SHANK2: variants seen among roughly 807,000 people sequenced by gnomAD.
SHANK2 encodes the protein SH3 and multiple ankyrin repeat domains 2.
SHANK2 carries 43 observed loss-of-function variants against 133.7 expected under a neutral mutation model. The ratio of observed to expected loss-of-function variants is 0.32; its 90% CI spans 0.25 to 0.41. SHANK2 has a LOEUF of 0.41. Ranked by LOEUF, SHANK2 falls within the 10% of genes least tolerant of loss-of-function variation. SHANK2 has a pLI of 1.00. For synonymous variants in SHANK2, 1,017 were observed against 952.8 expected, an observed-to-expected ratio of 1.07 and a Z score of -1.24; for missense variants, 1,994 against 2,235.8, an observed-to-expected ratio of 0.89 and a Z score of 2.18.
chr11:71,244,573 G>A lies in SHANK2; in HGVS notation c.-113+7852C>T, dbSNP rs61391805. On this transcript the variant is annotated intron_variant, in intron 1 of 25. Coordinates refer to ENST00000601538, the MANE Select transcript of SHANK2 (RefSeq NM_012309.5). Reference sequence around the variant, plus strand: ...CTCATCCTCTCCCAAGTGCACAACGGAAGCTACAAAACTTGTGATATTGCA... The same window carrying A: ...CTCATCCTCTCCCAAGTGCACAACGAAAGCTACAAAACTTGTGATATTGCA... Among the ~76,000 whole-genome samples the A allele has an allele frequency of 3.0e-3, 457 of 152,314 alleles. 1 individual carries two copies. The highest frequency in any genetic ancestry group is 0.01 in the African/African-American group (424 of 41,564).
At chr11:70,871,434 C>A (rs1350481489) in intron 11 of SHANK2, among the ~76,000 whole-genome samples, 1 of 152,172 alleles carries the variant, frequency 6.6e-6, no homozygotes, top group Non-Finnish European at 1.5e-5. Flanking sequence ...GAACCTGGGG[C>A]CACACCACCT....
At chr11:70,550,032 C>T (rs548553278) in intron 17 of SHANK2, among the ~76,000 whole-genome samples, 2 of 152,102 alleles carry the variant, frequency 1.3e-5, no homozygotes, top group African/African-American at 4.8e-5. Context: ...CCAGAAAAAC[C>T]GCACCGGCTT....
intron 1 of SHANK2, among the ~76,000 whole-genome samples, chr11:71,246,880 C>T (rs782526265): frequency 2.0e-5 from 3 of 152,266 alleles, no homozygotes; most frequent in South Asian, 4.1e-4. Flanking sequence ...GTAACAGCTC[C>T]CCTTTTCCAT....
chr11:71,106,728 A>G (rs1951807061), intron 6 of SHANK2, among the ~76,000 whole-genome samples: 1 of 152,012 alleles, frequency 6.6e-6, no homozygotes, highest in Admixed American at 6.6e-5. Flanking sequence ...CTGAGGTGGG[A>G]GGATCAGCTG....
At chr11:71,059,834 C>T (rs1950966573) in intron 9 of SHANK2, among the ~76,000 whole-genome samples, 1 of 152,208 alleles carries the variant, frequency 6.6e-6, no homozygotes, top group African/African-American at 2.4e-5. Flanking sequence ...CTTTGTTCAT[C>T]GACTGTGTAA....
intron 10 of SHANK2, among the ~76,000 whole-genome samples, chr11:70,909,086 A>G (rs1218089935): frequency 6.6e-6 from 1 of 152,246 alleles, no homozygotes; most frequent in Non-Finnish European, 1.5e-5. Context: ...TTTCATGTGG[A>G]CCAAATGCAA....
chr11:71,175,618 T>A lies in SHANK2; in HGVS notation c.-12-28280A>T, dbSNP rs1376985577. 2.9e-5 allele frequency among the ~76,000 whole-genome samples: 4 copies of A among 136,084 alleles called. No individual in the cohort carries two copies. The highest frequency in any genetic ancestry group is 4.7e-5 in the Non-Finnish European group (3 of 64,108). 89.3% of individuals were successfully genotyped at this position (136,084 alleles called of 152,430 possible). A position where few individuals can be genotyped will look rare whatever the true frequency, so the allele number is the denominator to read the frequency against. ...AGAGAGAGAGACAGAGACAGAGACA[T>A]CGCTTCCAGCCAAGATGGAGGAAGG... On this transcript the variant is annotated intron_variant, in intron 2 of 25. Transcript: ENST00000601538. The surrounding 1 kb of genome is among the most constrained non-coding windows in gnomAD (Gnocchi z 4.2).
chr11:70,503,468 T>C (rs2059090642), intron 17 of SHANK2, among the ~76,000 whole-genome samples: 1 of 152,106 alleles, frequency 6.6e-6, no homozygotes. Flanking sequence ...GCTCTCCCGC[T>C]CCAGAGGCCT....
At chr11:70,595,937 C>A (rs60890724) in intron 17 of SHANK2, among the ~76,000 whole-genome samples, 2 of 152,086 alleles carry the variant, frequency 1.3e-5, no homozygotes. Context: ...GAAAACAGAG[C>A]GGGGTTTCAG....
chr11:71,062,997 A>C lies in SHANK2; in HGVS notation c.1030-6439T>G, dbSNP rs1951005808. 2.2e-4 allele frequency among the ~76,000 whole-genome samples: 4 copies of C among 18,046 alleles called. No individual in the cohort carries two copies. In the South Asian group the frequency reaches 5.8e-3, roughly 26 times the overall value. The allele number at this position is 18,046 out of a possible 152,430, so 11.8% of individuals were successfully genotyped here. On this transcript the variant is annotated intron_variant, in intron 9 of 25. Transcript: ENST00000601538. ...GGGTGACACAGCAAGACCCTGTCTC[A>C]AAAAAAAAAAAAAAAAAAAAGATAG...
At chr11:70,766,994 C>T (rs1947136867) in intron 14 of SHANK2, among the ~76,000 whole-genome samples, 2 of 152,238 alleles carry the variant, frequency 1.3e-5, no homozygotes, top group African/African-American at 4.8e-5. Context: ...ACTCTGCTAG[C>T]TCTGGTGTGG....
intron 25 of SHANK2, among the ~76,000 whole-genome samples, chr11:70,484,386 T>TAGACTGTGGTACCTCCCCC (rs1480005238): frequency 2.6e-5 from 4 of 152,120 alleles, no homozygotes; most frequent in Non-Finnish European, 5.9e-5. Context: ...GTTGTTTAAA[T>TAGACTGTGGTACCTCCCCC]AGACTGTGGT....
intron 14 of SHANK2, among the ~76,000 whole-genome samples, chr11:70,750,002 T>C (rs935890275): frequency 6.6e-6 from 1 of 152,222 alleles, no homozygotes; most frequent in South Asian, 2.1e-4. Flanking sequence ...CAGCAAGTAC[T>C]TCTAGTTCCA....
chr11:70,490,454 A>T, intron 22 of SHANK2, 67 bp from the exon 23 acceptor site: 2 of 1,329,270 alleles, frequency 1.5e-6, no homozygotes, highest in Non-Finnish European at 2.2e-6. Context: ...CACAGGGCCC[A>T]GAGACCACAA....
At chr11:70,552,708 G>A (rs1377382224) in intron 17 of SHANK2, among the ~76,000 whole-genome samples, 1 of 152,266 alleles carries the variant, frequency 6.6e-6, no homozygotes, top group South Asian at 2.1e-4. Context: ...GGCCAGTGAC[G>A]GACACAGCCT....
At chr11:70,737,972 C>A (rs1946440172) in intron 14 of SHANK2, among the ~76,000 whole-genome samples, 1 of 152,240 alleles carries the variant, frequency 6.6e-6, no homozygotes, top group Admixed American at 6.5e-5. Context: ...GGCATCACAC[C>A]AGAATCTGGG....
intron 8 of SHANK2, among the ~76,000 whole-genome samples, chr11:71,089,464 A>G (rs2135090533): frequency 6.7e-6 from 1 of 149,596 alleles, no homozygotes; most frequent in East Asian, 2.0e-4. Context: ...TGTGTGTGTA[A>G]TTTATGTTCG....
At chr11:70,919,259 C>A (rs1229312259) in intron 10 of SHANK2, among the ~76,000 whole-genome samples, 1 of 152,182 alleles carries the variant, frequency 6.6e-6, no homozygotes, top group South Asian at 2.1e-4. Flanking sequence ...CACATGCTGA[C>A]CATCTTTTTG....
intron 2 of SHANK2, among the ~76,000 whole-genome samples, chr11:71,214,695 C>T (rs1412752975): frequency 2.0e-5 from 3 of 152,174 alleles, no homozygotes; most frequent in Admixed American, 2.0e-4. Flanking sequence ...CACCCAAGTG[C>T]CCACCCACAC....
Sources: allele counts gnomAD v4.1 joint callset (sites outside exome capture counted in the v4.1 genomes callset), GRCh38; gene constraint gnomAD v4.1.1; non-coding constraint Gnocchi (gnomAD v3.1); transcripts MANE v1.5; gene names NCBI Gene and HGNC (gene_info 2026-07-23, HGNC 2026-07-21).